Variants in PDS5B observed in about 807,000 individuals in gnomAD.
PDS5B encodes sister chromatid cohesion protein PDS5 homolog B.
PDS5B carries 51 observed loss-of-function variants against 184.1 expected under a neutral mutation model. The observed-to-expected ratio is 0.28, with a 90% CI of 0.22 to 0.35. The LOEUF is 0.35. Among genes scored for constraint, PDS5B ranks in the 10% least tolerant of loss-of-function variants. PDS5B has a pLI of 1.00. For synonymous variants in PDS5B, 566 were observed against 569.2 expected, an observed-to-expected ratio of 0.99 and a Z score of 0.08; for missense variants, 1,180 against 1,723.3, an observed-to-expected ratio of 0.68 and a Z score of 5.58.
intron 1 of PDS5B, among the ~76,000 whole-genome samples, chr13:32,621,075 G>A (rs1033837114): frequency 3.9e-5 from 6 of 152,214 alleles, no homozygotes; most frequent in Non-Finnish European, 7.3e-5. Flanking sequence ...TGCTGTGGTA[G>A]AGTTGTCTTT....
At chr13:32,774,710 TTTGAG>T (rs1391133562) in intron 34 of PDS5B, among the ~76,000 whole-genome samples, 1 of 152,220 alleles carries the variant, frequency 6.6e-6, no homozygotes, top group Non-Finnish European at 1.5e-5. Flanking sequence ...GATTAATCTG[TTTGAG>T]TTATTTTTCT....
intron 11 of PDS5B, among the ~76,000 whole-genome samples, chr13:32,686,319 A>G (rs994645565): frequency 6.6e-6 from 1 of 152,246 alleles, no homozygotes; most frequent in African/African-American, 2.4e-5. Context: ...TGGACCACTG[A>G]TAAGTATTTT....
chr13:32,714,978 A>G (rs1325763988), intron 19 of PDS5B, among the ~76,000 whole-genome samples: 2 of 152,240 alleles, frequency 1.3e-5, no homozygotes, highest in Non-Finnish European at 2.9e-5. Context: ...TAGAGATTGC[A>G]GTAAAGACAG....
At chr13:32,700,287 C>T (rs1018426820) in intron 16 of PDS5B, among the ~76,000 whole-genome samples, 5 of 152,060 alleles carry the variant, frequency 3.3e-5, no homozygotes, top group African/African-American at 1.2e-4. Context: ...AGTACAATTG[C>T]ATGGGCTAAC....
intron 1 of PDS5B, among the ~76,000 whole-genome samples, chr13:32,633,664 C>A (rs928038744): frequency 1.3e-5 from 2 of 152,168 alleles, no homozygotes; most frequent in African/African-American, 4.8e-5. Flanking sequence ...AGAAACTTAT[C>A]AAATTAAACT....
At chr13:32,661,810 G>A (rs1593365249) in intron 6 of PDS5B, among the ~76,000 whole-genome samples, 1 of 152,212 alleles carries the variant, frequency 6.6e-6, no homozygotes, top group Middle Eastern at 3.4e-3. Context: ...AGGAATGAAT[G>A]CTAAACTGAT....
At position 32,717,689 on chromosome 13, in the gene PDS5B, A is replaced by T. The variant is rs1163962474; in HGVS notation, c.2123+7583A>T. ...GAGAAACACCCAAGAATGATCAATA[A>T]AAAAAAAAAAAAATAAATAAATCAA... On this transcript the variant is annotated intron_variant, in intron 19 of 34. Coordinates refer to ENST00000315596, the MANE Select transcript of PDS5B (RefSeq NM_015032.4). Among the ~76,000 whole-genome samples, 1,303 of 137,662 alleles carry T rather than the reference A, an allele frequency of 9.5e-3. 5 individuals are homozygous for T. Among genetic ancestry groups the T allele is most frequent in the African/African-American group, 0.023 (763 of 33,270 alleles). The allele number at this position is 137,662 out of a possible 152,430, so 90.3% of individuals were successfully genotyped here. A position where few individuals can be genotyped will look rare whatever the true frequency, so the allele number is the denominator to read the frequency against.
chr13:32,622,949 ATAGT>A (rs543703175), intron 1 of PDS5B, among the ~76,000 whole-genome samples: 6 of 152,172 alleles, frequency 3.9e-5, no homozygotes, highest in Non-Finnish European at 7.4e-5. Context: ...GGAATGGGAG[ATAGT>A]TCTTAAATCT....
chr13:32,696,279 ATAAT>A (rs1241958989), intron 14 of PDS5B, among the ~76,000 whole-genome samples: 6 of 152,110 alleles, frequency 3.9e-5, no homozygotes, highest in African/African-American at 1.2e-4. Flanking sequence ...GATGCAGTGA[ATAAT>A]TAGCACTCTA....
chr13:32,620,563 G>A (rs532549182), intron 1 of PDS5B, among the ~76,000 whole-genome samples: 20 of 151,984 alleles, frequency 1.3e-4, no homozygotes, highest in Non-Finnish European at 2.4e-4. Context: ...AGGCTGAGGC[G>A]GGAGAATGGC....
intron 1 of PDS5B, among the ~76,000 whole-genome samples, chr13:32,632,416 A>G (rs2058472056): frequency 6.6e-6 from 1 of 152,208 alleles, no homozygotes; most frequent in South Asian, 2.1e-4. Flanking sequence ...AAGATACTCA[A>G]CACCATTAAT....
At chr13:32,679,910 TGTGTG>T (rs1951189980) in intron 10 of PDS5B, among the ~76,000 whole-genome samples, 1 of 58,536 alleles carries the variant, frequency 1.7e-5, no homozygotes, top group African/African-American at 5.3e-5. Flanking sequence ...TGTGTGTGTG[TGTGTG>T]TCTGTTTCTA....
intron 19 of PDS5B, among the ~76,000 whole-genome samples, chr13:32,724,035 T>TG (rs1952810731): frequency 6.6e-6 from 1 of 152,246 alleles, no homozygotes; most frequent in Non-Finnish European, 1.5e-5. Flanking sequence ...TCCCAGATAC[T>TG]GTCGTTTCAT....
At chr13:32,591,088 T>C (rs1251770039) in intron 1 of PDS5B, among the ~76,000 whole-genome samples, 1 of 152,024 alleles carries the variant, frequency 6.6e-6, no homozygotes, top group East Asian at 1.9e-4. Flanking sequence ...AGTATTGTTA[T>C]ACTGTTGTAC....
chr13:32,657,151 ATCTAAT>A (rs1430474204), intron 3 of PDS5B, among the ~76,000 whole-genome samples: 1 of 152,114 alleles, frequency 6.6e-6, no homozygotes, highest in Non-Finnish European at 1.5e-5. Flanking sequence ...TGCCCCAATA[ATCTAAT>A]TCTGTCAGTG....
intron 1 of PDS5B, among the ~76,000 whole-genome samples, chr13:32,635,630 C>T (rs991838405): frequency 6.6e-6 from 1 of 152,026 alleles, no homozygotes; most frequent in African/African-American, 2.4e-5. Flanking sequence ...GCGTGAGCCA[C>T]TGTGCCTGGC....
At chr13:32,680,445 A>G (rs923911268) in intron 10 of PDS5B, among the ~76,000 whole-genome samples, 10 of 152,220 alleles carry the variant, frequency 6.6e-5, no homozygotes, top group African/African-American at 2.4e-4. Flanking sequence ...AGAGTATCTT[A>G]TCTAGAAGTT....
intron 1 of PDS5B, among the ~76,000 whole-genome samples, chr13:32,600,242 CT>C (rs1435925354): frequency 6.6e-6 from 1 of 152,134 alleles, no homozygotes. Context: ...TATTAATGGA[CT>C]TTTGACTCTT....
chr13:32,727,896 T>A (rs534932410), intron 19 of PDS5B, among the ~76,000 whole-genome samples: 1 of 152,034 alleles, frequency 6.6e-6, no homozygotes, highest in East Asian at 1.9e-4. Context: ...TGCCTTGTTG[T>A]TTTCTGGGGC....
Sources: gnomAD v4.1 joint callset for allele counts (sites outside exome capture counted in the v4.1 genomes callset) on GRCh38, gnomAD v4.1.1 for gene constraint, MANE v1.5 for transcripts, NCBI Gene and HGNC (gene_info 2026-07-23, HGNC 2026-07-21) for gene names.